Variants in PDSS2 observed in about 807,000 individuals in gnomAD.
PDSS2 encodes the protein decaprenyl diphosphate synthase subunit 2, also known as all trans-polyprenyl-diphosphate synthase PDSS2.
In PDSS2, 31 loss-of-function variants were observed where a neutral mutation model predicts 44.5. The observed-to-expected ratio is 0.70, with a 90% CI of 0.52 to 0.94. PDSS2 has a LOEUF of 0.94. Among genes scored for constraint, PDSS2 ranks in the 40% least tolerant of loss-of-function variants. The pLI is 0.00. For missense variants in PDSS2, 452 were observed against 482.2 expected, an observed-to-expected ratio of 0.94 and a Z score of 0.59; for synonymous variants, 157 against 180.3, an observed-to-expected ratio of 0.87 and a Z score of 1.03.
intron 2 of PDSS2, among the ~76,000 whole-genome samples, chr6:107,318,701 A>G (rs1430502007): frequency 6.6e-6 from 1 of 152,152 alleles, no homozygotes; most frequent in Non-Finnish European, 1.5e-5. Flanking sequence ...TACTCAGTTC[A>G]TCGGCCGGGC....
At chr6:107,288,620 A>G (rs1032998113) in intron 2 of PDSS2, among the ~76,000 whole-genome samples, 1 of 152,238 alleles carries the variant, frequency 6.6e-6, no homozygotes, top group Non-Finnish European at 1.5e-5. Flanking sequence ...TAATACAGAC[A>G]GGAGCACAGA....
At chr6:107,233,429 T>C (rs1302952402) in intron 4 of PDSS2, among the ~76,000 whole-genome samples, 1 of 152,168 alleles carries the variant, frequency 6.6e-6, no homozygotes, top group Non-Finnish European at 1.5e-5. Context: ...AGAAATTCAA[T>C]ACAAGATTAC....
rs972635592 is a variant in PDSS2 at position 107,324,028 on chromosome 6, G to A, written c.431+10170C>T. On this transcript the variant is annotated intron_variant, in intron 2 of 7. Transcript: ENST00000369037. ...GATCCTATTTTGTGTTTTTCCAAAA[G>A]CTCTGGTGAAGTAATGACTTCTGAC... Among the ~76,000 whole-genome samples the A allele has an allele frequency of 5.9e-5, 9 of 152,268 alleles. No homozygotes were observed. The South Asian group carries it at 1.7e-3, about 28-fold the overall frequency.
rs1038720782 is a variant in PDSS2, at chr6:107,374,060, G to C, written c.297-39728C>G. On this transcript the variant is annotated intron_variant, in intron 1 of 7. Transcript: ENST00000369037. ...ACTTGAGGTCAGGAGTTCAAGACCA[G>C]CCTGGTCAATATGGTGAAACCCCAT... Among the ~76,000 whole-genome samples, 3 of 152,002 alleles carry C rather than the reference G, an allele frequency of 2.0e-5. No individual in the cohort carries two copies. In the East Asian group the frequency reaches 5.8e-4, roughly 29 times the overall value.
At chr6:107,380,530 C>T (rs1158784463) in intron 1 of PDSS2, among the ~76,000 whole-genome samples, 1 of 152,230 alleles carries the variant, frequency 6.6e-6, no homozygotes, top group African/African-American at 2.4e-5. Flanking sequence ...GGATTTTTCC[C>T]AGATCTTCAA....
At chr6:107,372,992 T>C (rs1779173207) in intron 1 of PDSS2, among the ~76,000 whole-genome samples, 1 of 151,794 alleles carries the variant, frequency 6.6e-6, no homozygotes, top group South Asian at 2.1e-4. Flanking sequence ...TCTTTTTTTT[T>C]TTTTTTTTTT....
chr6:107,373,664 C>A (rs1269595693), intron 1 of PDSS2, among the ~76,000 whole-genome samples: 1 of 152,058 alleles, frequency 6.6e-6, no homozygotes, highest in Admixed American at 6.5e-5. Context: ...TTTTCTTCTC[C>A]CTTAAGCCAC....
At chr6:107,206,993 A>G (rs1178831127) in intron 6 of PDSS2, among the ~76,000 whole-genome samples, 1 of 144,600 alleles carries the variant, frequency 6.9e-6, no homozygotes, top group South Asian at 2.3e-4. Flanking sequence ...ATTTGCTATT[A>G]TTGTTTTTTT....
At chr6:107,187,317 G>A (rs1772203123) in intron 7 of PDSS2, among the ~76,000 whole-genome samples, 1 of 152,102 alleles carries the variant, frequency 6.6e-6, no homozygotes, top group Non-Finnish European at 1.5e-5. Context: ...CTATTACTGG[G>A]CACTTGAAAA....
chr6:107,286,178 T>C (rs1214404563), intron 2 of PDSS2, among the ~76,000 whole-genome samples: 3 of 142,674 alleles, frequency 2.1e-5, no homozygotes, highest in African/African-American at 7.8e-5. Context: ...AAGGATAAAT[T>C]TGAGGAGTTA....
At chr6:107,367,308 A>G (rs1431080267) in intron 1 of PDSS2, among the ~76,000 whole-genome samples, 1 of 152,192 alleles carries the variant, frequency 6.6e-6, no homozygotes, top group Non-Finnish European at 1.5e-5. Flanking sequence ...CCTATTCACA[A>G]TAAAAACTCT....
intron 1 of PDSS2, among the ~76,000 whole-genome samples, chr6:107,413,336 G>C (rs565037402): frequency 7.2e-5 from 11 of 152,264 alleles, no homozygotes; most frequent in Non-Finnish European, 1.3e-4. Flanking sequence ...GAGGTCAGGA[G>C]TTCAGTACCA....
chr6:107,255,198 AT>A (rs771098042), intron 3 of PDSS2, among the ~76,000 whole-genome samples: 4,183 of 126,268 alleles, frequency 0.033, 109 homozygotes, highest in African/African-American at 0.085. Flanking sequence ...ATTGCATTCT[AT>A]TTTTTTTTTT....
intron 2 of PDSS2, among the ~76,000 whole-genome samples, chr6:107,279,641 G>C (rs1775895108): frequency 6.6e-6 from 1 of 151,978 alleles, no homozygotes; most frequent in South Asian, 2.1e-4. Flanking sequence ...TAAGATTCAG[G>C]GATTTTTTTA....
In PDSS2 at chr6:107,245,742, A is replaced by G. The variant is rs9373933; in HGVS notation, c.631-123T>C. The G allele has an allele frequency of 0.72, 422,088 of 587,306 alleles. 155,935 individuals are homozygous for G. Among genetic ancestry groups the G allele is most frequent in the East Asian group, 1 (33,498 of 33,544 alleles). 36.4% of individuals were successfully genotyped at this position (587,306 alleles called of 1,614,324 possible). On this transcript the variant is annotated intron_variant, in intron 3 of 7. Coordinates refer to ENST00000369037, the MANE Select transcript of PDSS2 (RefSeq NM_020381.4). ...TTCTGTGCTTGACAGAAAAAATGGG[A>G]CTATGCACCAAGATCTCAGCAAATG... is the stretch of plus-strand genomic sequence containing the variant.
chr6:107,181,306 G>A (rs1004895191), intron 7 of PDSS2, among the ~76,000 whole-genome samples: 5 of 151,270 alleles, frequency 3.3e-5, no homozygotes, highest in African/African-American at 9.7e-5. Context: ...AGGCTGAGGC[G>A]GGTAATCACC....
intron 1 of PDSS2, among the ~76,000 whole-genome samples, chr6:107,356,340 A>T (rs954464470): frequency 4.6e-5 from 7 of 152,218 alleles, no homozygotes; most frequent in African/African-American, 1.7e-4. Flanking sequence ...AATAATTAGC[A>T]TTGTAATTCT....
intron 2 of PDSS2, among the ~76,000 whole-genome samples, chr6:107,302,834 A>C (rs1776739938): frequency 2.1e-5 from 3 of 139,688 alleles, no homozygotes; most frequent in Admixed American, 7.7e-5. Flanking sequence ...ATGTGCTGTA[A>C]AAACTTACTA....
chr6:107,379,573 TGG>T (rs1388050236), intron 1 of PDSS2, among the ~76,000 whole-genome samples: 4 of 152,224 alleles, frequency 2.6e-5, no homozygotes, highest in Non-Finnish European at 4.4e-5. Flanking sequence ...TTTATAAATG[TGG>T]TTGCTGTGTT....
Sources: gnomAD v4.1 joint callset for allele counts (sites outside exome capture counted in the v4.1 genomes callset) on GRCh38, gnomAD v4.1.1 for gene constraint, MANE v1.5 for transcripts, NCBI Gene and HGNC (gene_info 2026-07-23, HGNC 2026-07-21) for gene names.